The following ABCC4 variants were observed in gnomAD, a reference collection of about 807,000 sequenced individuals.
ABCC4 encodes the protein ATP-binding cassette sub-family C member 4.
Under a neutral mutation model 168.5 loss-of-function variants are expected in ABCC4, and 102 were observed. The ratio of observed to expected loss-of-function variants is 0.61; its 90% CI spans 0.52 to 0.71. ABCC4 has a LOEUF of 0.71. ABCC4 is among the 30% of genes least tolerant of loss of function. ABCC4 has a pLI of 0.00. For synonymous variants in ABCC4, 617 were observed against 590.7 expected, an observed-to-expected ratio of 1.04 and a Z score of -0.65; for missense variants, 1,402 against 1,605.8, an observed-to-expected ratio of 0.87 and a Z score of 2.17.
chr13:95,066,733 C>T (rs955430246), intron 25 of ABCC4, among the ~76,000 whole-genome samples: 2 of 152,190 alleles, frequency 1.3e-5, no homozygotes, highest in Non-Finnish European at 2.9e-5. Flanking sequence ...GACGGAAACC[C>T]AAGTCTGCCT....
intron 30 of ABCC4, among the ~76,000 whole-genome samples, chr13:95,022,795 A>G (rs1306018438): frequency 6.6e-6 from 1 of 152,202 alleles, no homozygotes; most frequent in Non-Finnish European, 1.5e-5. Context: ...ACAAAAAAGA[A>G]AGTGCTGAGA....
intron 26 of ABCC4, chr13:95,054,020 CCTTTTTTTTT>C (rs1555305424): frequency 4.1e-5 from 3 of 73,168 alleles, no homozygotes; most frequent in Non-Finnish European, 7.2e-5. Flanking sequence ...AATGGGACAT[CCTTTTTTTTT>C]TTTTTTTTTT....
intron 9 of ABCC4, among the ~76,000 whole-genome samples, chr13:95,189,368 G>A (rs1002238886): frequency 8.6e-5 from 13 of 151,990 alleles, no homozygotes; most frequent in Non-Finnish European, 1.9e-4. Context: ...TGATCCGCCC[G>A]CCTCGGCCTC....
intron 30 of ABCC4, among the ~76,000 whole-genome samples, chr13:95,027,477 A>G (rs775675498): frequency 6.6e-6 from 1 of 152,240 alleles, no homozygotes; most frequent in Non-Finnish European, 1.5e-5. Context: ...TTGATTCCAC[A>G]GCACCACTAG....
intron 25 of ABCC4, among the ~76,000 whole-genome samples, chr13:95,066,187 C>T (rs922686598): frequency 6.6e-6 from 1 of 152,212 alleles, no homozygotes; most frequent in Non-Finnish European, 1.5e-5. Context: ...CATATGCCAT[C>T]GTGCCTTTCA....
At chr13:95,110,639 A>T (rs2035171419) in intron 20 of ABCC4, among the ~76,000 whole-genome samples, 1 of 152,206 alleles carries the variant, frequency 6.6e-6, no homozygotes, top group Non-Finnish European at 1.5e-5. Context: ...GAAGAGATTC[A>T]TGATGCTGGC....
intron 20 of ABCC4, among the ~76,000 whole-genome samples, chr13:95,112,968 TG>T: frequency 6.6e-6 from 1 of 152,262 alleles, no homozygotes; most frequent in African/African-American, 2.4e-5. Flanking sequence ...ATCTGAATTT[TG>T]AAAGGGGCTA....
intron 6 of ABCC4, 141 bp from the exon 7 acceptor site, chr13:95,208,066 T>C: frequency 1.2e-6 from 1 of 855,132 alleles, no homozygotes; most frequent in Non-Finnish European, 1.8e-6. Context: ...CTACTCAAAA[T>C]ACAAATAGAA....
At chr13:95,168,860 T>A (rs2037373748) in intron 14 of ABCC4, among the ~76,000 whole-genome samples, 1 of 152,186 alleles carries the variant, frequency 6.6e-6, no homozygotes, top group Non-Finnish European at 1.5e-5. Flanking sequence ...AAAAGATATG[T>A]TCGAGTCCTA....
intron 19 of ABCC4, among the ~76,000 whole-genome samples, chr13:95,134,476 CAA>C (rs1235989582): frequency 2.0e-5 from 3 of 151,934 alleles, no homozygotes; most frequent in African/African-American, 7.3e-5. Context: ...TAAATGAAAA[CAA>C]GAGAGGCCGA....
chr13:95,034,678 T>A lies in ABCC4; in HGVS notation c.3797A>T (p.Glu1266Val). The change falls in exon 30 of 31, where the codon GAG becomes GTG. Residue 1266 changes from glutamate to valine, a missense_variant. Glu to Val is a moderately radical substitution (Grantham distance 121). This residue lies in a region of ABCC4 where 1,007 missense variants were observed against 1,127.3 expected (regional missense o/e 0.89). Coordinates refer to ENST00000645237, the MANE Select transcript of ABCC4 (RefSeq NM_005845.5). ...DEPYVLLQNK[E>V]SLFYKMVQQL... is the part of the protein sequence containing the mutation. ...TTGCACCATCTTGTAAAATAGGCTC[T>A]CTTTATTTTGCAGCAAAACATACGG... The A allele has an allele frequency of 6.2e-7, 1 of 1,614,248 alleles. No homozygotes were observed. Among genetic ancestry groups the A allele is most frequent in the African/African-American group, 1.3e-5 (1 of 75,062 alleles).
chr13:95,038,100 C>T (rs1458458030), intron 29 of ABCC4, among the ~76,000 whole-genome samples: 4 of 152,180 alleles, frequency 2.6e-5, no homozygotes, highest in African/African-American at 9.6e-5. Flanking sequence ...AAGCGATCCT[C>T]CCACCTTGGC....
In ABCC4 at chr13:95,062,986, A is replaced by G. The variant is rs765479867; in HGVS notation, c.3211-127T>C. Reference sequence around the variant, plus strand: ...GACATTCTATATTGAGTGTAGTCTAAGAGTTTCCCAACCTCAGCACTGATG... The same window carrying G: ...GACATTCTATATTGAGTGTAGTCTAGGAGTTTCCCAACCTCAGCACTGATG... On this transcript the variant is annotated intron_variant, in intron 25 of 30. Transcript: ENST00000645237. The G allele has an allele frequency of 8.1e-6, 9 of 1,113,776 alleles. No individual in the cohort carries two copies. In the Middle Eastern group the frequency reaches 1.1e-3, roughly 140 times the overall value. The allele number at this position is 1,113,776 out of a possible 1,614,324, so 69.0% of individuals were successfully genotyped here.
intron 26 of ABCC4, among the ~76,000 whole-genome samples, chr13:95,057,986 C>T (rs941915868): frequency 4.6e-5 from 7 of 152,194 alleles, no homozygotes; most frequent in South Asian, 2.1e-4. Context: ...CCACCCTCTG[C>T]AGCCAGCGAG....
intron 20 of ABCC4, among the ~76,000 whole-genome samples, chr13:95,085,220 C>T (rs2034218159): frequency 6.6e-6 from 1 of 151,854 alleles, no homozygotes; most frequent in Non-Finnish European, 1.5e-5. Context: ...GGGTGGATCA[C>T]CTGAGGTCAG....
intron 27 of ABCC4, among the ~76,000 whole-genome samples, chr13:95,050,481 C>T (rs1351811988): frequency 6.6e-6 from 1 of 152,162 alleles, no homozygotes; most frequent in African/African-American, 2.4e-5. Context: ...TCTCATTACC[C>T]CCAAACGAGC....
rs200333760 is a variant in ABCC4 at position 95,246,960 on chromosome 13, T to C, written c.306+15A>G. On this transcript the variant is annotated intron_variant, in intron 3 of 30. Transcript: ENST00000645237. The stretch of plus-strand genomic sequence containing the variant: ...GTGTCCTGAAAAACAATTCATGGTA[T>C]GTAAAAGCTTTTACCTCAATTAACG... 12 of 1,609,648 alleles carry C rather than the reference T, an allele frequency of 7.5e-6. No homozygotes were observed. Among genetic ancestry groups the C allele is most frequent in the Middle Eastern group, 1.7e-4 (1 of 5,810 alleles).
intron 19 of ABCC4, among the ~76,000 whole-genome samples, chr13:95,133,045 G>A (rs944103409): frequency 1.3e-5 from 2 of 150,938 alleles, no homozygotes; most frequent in African/African-American, 4.9e-5. Context: ...AAACTATATA[G>A]AGTACTTAAA....
intron 4 of ABCC4, among the ~76,000 whole-genome samples, chr13:95,214,353 A>G (rs946553348): frequency 1.3e-5 from 2 of 152,016 alleles, no homozygotes; most frequent in Non-Finnish European, 2.9e-5. Flanking sequence ...AAAGAAGAAG[A>G]AATAGGGGAA....
Sources: gnomAD v4.1 joint callset for allele counts (sites outside exome capture counted in the v4.1 genomes callset) on GRCh38, gnomAD v4.1.1 for gene constraint, gnomAD v4.1.1 regional missense constraint, MANE v1.5 for transcripts, NCBI Gene and HGNC (gene_info 2026-07-23, HGNC 2026-07-21) for gene names.